Variants in PPP4R4 observed in about 807,000 individuals in gnomAD.
PPP4R4 encodes protein phosphatase 4 regulatory subunit 4.
In PPP4R4, 70 loss-of-function variants were observed where a neutral mutation model predicts 121.8. The ratio of observed to expected loss-of-function variants is 0.57; its 90% CI spans 0.47 to 0.70. PPP4R4 has a LOEUF of 0.70. Among genes scored for constraint, PPP4R4 ranks in the 30% least tolerant of loss-of-function variants. The pLI is 0.00. For missense variants in PPP4R4, 875 were observed against 1,033.6 expected, an observed-to-expected ratio of 0.85 and a Z score of 2.10; for synonymous variants, 348 against 355.7, an observed-to-expected ratio of 0.98 and a Z score of 0.24.
At position 94,247,243 on chromosome 14, in the gene PPP4R4, T is replaced by C. The variant is rs552186682; in HGVS notation, c.1611+704T>C. 3.3e-5 allele frequency among the ~76,000 whole-genome samples: 5 copies of C among 152,352 alleles called. No individual in the cohort carries two copies. The East Asian group carries it at 9.6e-4, about 29-fold the overall frequency. On this transcript the variant is annotated intron_variant, in intron 14 of 24. Coordinates refer to ENST00000304338, the MANE Select transcript of PPP4R4 (RefSeq NM_058237.2). ...GCAATTTTTTGAAATATAGAAACAT[T>C]CCATGGCTCTGTGATCTCGGCACAG...
At chr14:94,232,847 A>G (rs995260237) in intron 5 of PPP4R4, among the ~76,000 whole-genome samples, 24 of 152,074 alleles carry the variant, frequency 1.6e-4, no homozygotes, top group African/African-American at 1.4e-4. Flanking sequence ...TCATGAGGTC[A>G]GGAGATTGAG....
intron 2 of PPP4R4, among the ~76,000 whole-genome samples, chr14:94,203,182 C>T (rs531095500): frequency 6.6e-6 from 1 of 152,232 alleles, no homozygotes; most frequent in South Asian, 2.1e-4. Flanking sequence ...TGTAGTCACA[C>T]CTATTTCCCT....
At chr14:94,188,403 T>A (rs1157179314) in intron 2 of PPP4R4, among the ~76,000 whole-genome samples, 1 of 152,172 alleles carries the variant, frequency 6.6e-6, no homozygotes, top group African/African-American at 2.4e-5. Flanking sequence ...TTTCTTATAA[T>A]GTCTTATTTT....
intron 2 of PPP4R4, among the ~76,000 whole-genome samples, chr14:94,197,849 G>A (rs1889967637): frequency 2.0e-5 from 3 of 152,084 alleles, no homozygotes; most frequent in Admixed American, 2.0e-4. Context: ...TTCATTCAGT[G>A]TAATTGTTTT....
intron 2 of PPP4R4, among the ~76,000 whole-genome samples, chr14:94,185,380 T>C (rs1470357541): frequency 6.6e-6 from 1 of 152,116 alleles, no homozygotes; most frequent in Non-Finnish European, 1.5e-5. Flanking sequence ...TGGTGGCTTG[T>C]GCCTGTTTTT....
intron 4 of PPP4R4, among the ~76,000 whole-genome samples, 183 bp downstream of exon 4, chr14:94,230,917 T>A (rs1027258099): frequency 2.0e-5 from 3 of 152,168 alleles, no homozygotes; most frequent in Non-Finnish European, 4.4e-5. Flanking sequence ...AAATTTAATA[T>A]CCTTGAAAGC....
At chr14:94,194,410 C>T (rs1187657292) in intron 2 of PPP4R4, among the ~76,000 whole-genome samples, 1 of 152,098 alleles carries the variant, frequency 6.6e-6, no homozygotes, top group Non-Finnish European at 1.5e-5. Context: ...ATGATTGTTT[C>T]CTGTGCCGGC....
At chr14:94,229,682 C>G (rs999833116) in intron 3 of PPP4R4, among the ~76,000 whole-genome samples, 5 of 129,826 alleles carry the variant, frequency 3.9e-5, no homozygotes, top group African/African-American at 1.8e-4. Context: ...ATTAATATTC[C>G]TAAGATCACT....
chr14:94,191,388 T>C (rs989420873), intron 2 of PPP4R4, among the ~76,000 whole-genome samples: 1 of 152,204 alleles, frequency 6.6e-6, no homozygotes, highest in Non-Finnish European at 1.5e-5. Flanking sequence ...AGTAATTGTA[T>C]GTATTTATGG....
intron 2 of PPP4R4, among the ~76,000 whole-genome samples, chr14:94,193,581 C>T (rs976647900): frequency 5.3e-5 from 8 of 151,692 alleles, no homozygotes; most frequent in Admixed American, 1.3e-4. Flanking sequence ...AGGTTATTGG[C>T]GAGAATCTAA....
chr14:94,188,130 C>T (rs1350012181), intron 2 of PPP4R4, among the ~76,000 whole-genome samples: 1 of 151,902 alleles, frequency 6.6e-6, no homozygotes. Flanking sequence ...TCCTAATTTG[C>T]TAAGTTTTAT....
At chr14:94,265,999 T>G in intron 22 of PPP4R4, 112 bp downstream of exon 22, 1 of 728,436 alleles carries the variant, frequency 1.4e-6, no homozygotes, top group South Asian at 2.5e-5. Flanking sequence ...GGTTTTTTTA[T>G]AGGCCAGTAT....
chr14:94,277,779 G>A (rs1261478814), intron 24 of PPP4R4, among the ~76,000 whole-genome samples: 2 of 151,978 alleles, frequency 1.3e-5, no homozygotes, highest in East Asian at 3.8e-4. Flanking sequence ...TACGTAGTAT[G>A]TAGTTATTTA....
chr14:94,197,806 A>G (rs1567109900), intron 2 of PPP4R4, among the ~76,000 whole-genome samples: 1 of 152,218 alleles, frequency 6.6e-6, no homozygotes, highest in East Asian at 1.9e-4. Flanking sequence ...AAGTGAAAAC[A>G]TACAGTAGTA....
chr14:94,190,528 G>A (rs890157833), intron 2 of PPP4R4, among the ~76,000 whole-genome samples: 4 of 152,068 alleles, frequency 2.6e-5, no homozygotes, highest in Non-Finnish European at 4.4e-5. Flanking sequence ...TTGACCCCGG[G>A]AGGCAGAGGT....
chr14:94,222,842 TTCTC>T (rs1891486558), intron 3 of PPP4R4, among the ~76,000 whole-genome samples: 1 of 152,094 alleles, frequency 6.6e-6, no homozygotes, highest in Non-Finnish European at 1.5e-5. Context: ...CTGCCTAATC[TTCTC>T]TCTCTCCTCC....
intron 23 of PPP4R4, among the ~76,000 whole-genome samples, chr14:94,270,133 A>G (rs1894251298): frequency 6.6e-6 from 1 of 152,242 alleles, no homozygotes; most frequent in Non-Finnish European, 1.5e-5. Flanking sequence ...AAAAAATAAC[A>G]TTTACAGTAT....
chr14:94,204,897 T>C (rs1890379138), intron 2 of PPP4R4, among the ~76,000 whole-genome samples: 1 of 152,186 alleles, frequency 6.6e-6, no homozygotes, highest in Non-Finnish European at 1.5e-5. Context: ...ATGTGATATT[T>C]TTCTTCTTTA....
chr14:94,227,705 CTT>C (rs1891794097), intron 3 of PPP4R4: 1 of 1,018,766 alleles, frequency 9.8e-7, no homozygotes, highest in African/African-American at 1.7e-5. Context: ...ACTTTAATGA[CTT>C]TAAGAGGGGG....
Sources: gnomAD v4.1 joint callset for allele counts (sites outside exome capture counted in the v4.1 genomes callset) on GRCh38, gnomAD v4.1.1 for gene constraint, MANE v1.5 for transcripts, NCBI Gene and HGNC (gene_info 2026-07-23, HGNC 2026-07-21) for gene names.